The following SEMA3E variants were observed in gnomAD, a reference collection of about 807,000 sequenced individuals.
SEMA3E encodes the protein semaphorin-3E.
A neutral mutation model predicts 93.6 loss-of-function variants in SEMA3E; 49 were observed. That is an observed-to-expected ratio of 0.52 (90% CI 0.42 to 0.66). The LOEUF (loss-of-function observed/expected upper bound fraction) is 0.66. SEMA3E is among the 30% of genes least tolerant of loss of function. SEMA3E has a pLI of 0.00. For synonymous variants in SEMA3E, 363 were observed against 330.7 expected, an observed-to-expected ratio of 1.10 and a Z score of -1.06; for missense variants, 906 against 964.8, an observed-to-expected ratio of 0.94 and a Z score of 0.81.
At chr7:83,394,438 G>C in intron 12 of SEMA3E, 100 bp from the exon 13 acceptor site, 3 of 963,678 alleles carry the variant, frequency 3.1e-6, no homozygotes, top group Non-Finnish European at 4.8e-6. Flanking sequence ...TATATAAGTG[G>C]TTATGTGTTA....
At chr7:83,470,626 C>T (rs1789871086) in intron 2 of SEMA3E, among the ~76,000 whole-genome samples, 1 of 152,068 alleles carries the variant, frequency 6.6e-6, no homozygotes, top group South Asian at 2.1e-4. Flanking sequence ...CAGGAGGCAA[C>T]TATTGTATCC....
rs757926340 is a variant in SEMA3E at position 83,367,556 on chromosome 7, C to A, written c.*30G>T. 1.9e-6 allele frequency: 3 copies of A among 1,606,058 alleles called. No individual in the cohort carries two copies. Among genetic ancestry groups the A allele is most frequent in the Non-Finnish European group, 8.5e-7 (1 of 1,173,016 alleles). ...CTTTTTTACTTTCCAAATATAAATT[C>A]TTCAAAAGACAGTAGATAGTCTCAC... On this transcript the variant is annotated 3_prime_UTR_variant, in exon 17 of 17. Coordinates refer to ENST00000643230, the MANE Select transcript of SEMA3E (RefSeq NM_012431.3).
intron 1 of SEMA3E, among the ~76,000 whole-genome samples, chr7:83,584,914 C>T (rs1792591341): frequency 6.6e-6 from 1 of 152,226 alleles, no homozygotes; most frequent in Admixed American, 6.6e-5. Context: ...TATATTGTTT[C>T]CCTGTTTACA....
At chr7:83,381,270 A>G (rs945512603) in intron 16 of SEMA3E, among the ~76,000 whole-genome samples, 2 of 151,930 alleles carry the variant, frequency 1.3e-5, no homozygotes, top group African/African-American at 2.4e-5. Context: ...TTCATGGTCT[A>G]TTAGTCTCCC....
chr7:83,381,057 C>CT (rs981204218), intron 16 of SEMA3E, among the ~76,000 whole-genome samples: 11 of 152,112 alleles, frequency 7.2e-5, no homozygotes, highest in African/African-American at 2.6e-4. Context: ...ACCTCAATGA[C>CT]TACCTACTTC....
chr7:83,530,125 G>T (rs2115721689), intron 1 of SEMA3E, among the ~76,000 whole-genome samples: 1 of 152,180 alleles, frequency 6.6e-6, no homozygotes, highest in East Asian at 1.9e-4. Context: ...CATTCAGTGG[G>T]CACAGATCTA....
intron 1 of SEMA3E, among the ~76,000 whole-genome samples, chr7:83,627,362 A>G (rs1793689913): frequency 6.6e-6 from 1 of 152,126 alleles, no homozygotes; most frequent in Non-Finnish European, 1.5e-5. Context: ...GTCTCTAAGA[A>G]CTTGCTTTAA....
At chr7:83,374,093 C>A (rs899729322) in intron 16 of SEMA3E, among the ~76,000 whole-genome samples, 8 of 151,424 alleles carry the variant, frequency 5.3e-5, no homozygotes, top group African/African-American at 1.9e-4. Flanking sequence ...GTAAACCCAG[C>A]TACTCGGGAG....
chr7:83,468,550 AG>A (rs1340197126), intron 3 of SEMA3E, among the ~76,000 whole-genome samples: 1 of 147,960 alleles, frequency 6.8e-6, no homozygotes, highest in African/African-American at 2.6e-5. Context: ...TCATTTATAT[AG>A]TTTTTTTTTT....
chr7:83,427,055 T>C (rs1469698199), intron 4 of SEMA3E, among the ~76,000 whole-genome samples: 1 of 152,062 alleles, frequency 6.6e-6, no homozygotes, highest in East Asian at 1.9e-4. Flanking sequence ...AATATAAAAA[T>C]GTTTATTTTA....
intron 1 of SEMA3E, among the ~76,000 whole-genome samples, chr7:83,631,769 C>T (rs42002): frequency 0.65 from 99,485 of 152,094 alleles, 33,824 homozygotes; most frequent in African/African-American, 0.85. Context: ...CAACAGAGTC[C>T]ATGAGAAAAT....
At chr7:83,427,199 T>TTC (rs1729732779) in intron 4 of SEMA3E, among the ~76,000 whole-genome samples, 2 of 151,718 alleles carry the variant, frequency 1.3e-5, no homozygotes, top group African/African-American at 4.8e-5. Flanking sequence ...TTCCTTTCCT[T>TTC]CTTTTTTTCT....
At chr7:83,495,268 A>G (rs1790468377) in intron 1 of SEMA3E, among the ~76,000 whole-genome samples, 2 of 151,890 alleles carry the variant, frequency 1.3e-5, no homozygotes, top group Admixed American at 1.3e-4. Flanking sequence ...TTGAGTCTTC[A>G]TTAATTGATC....
intron 1 of SEMA3E, among the ~76,000 whole-genome samples, chr7:83,545,890 T>C (rs920848814): frequency 1.6e-5 from 2 of 123,334 alleles, no homozygotes; most frequent in Admixed American, 1.6e-4. Context: ...ATATCATATA[T>C]GATAAAAATA....
rs1217162957 is a variant in SEMA3E at position 83,466,616 on chromosome 7, A to G, written c.337-15T>C. On this transcript the variant is annotated splice_polypyrimidine_tract_variant and intron_variant, in intron 3 of 16. Transcript: ENST00000643230. ...GCACATTCACCCTAAAGCAGGAAAA[A>G]AAGGGAAGGAATCTATCAGTATAAT... The G allele has an allele frequency of 6.2e-7, 1 of 1,611,842 alleles. No homozygotes were observed. Among genetic ancestry groups the G allele is most frequent in the Non-Finnish European group, 8.5e-7 (1 of 1,179,926 alleles).
intron 14 of SEMA3E, among the ~76,000 whole-genome samples, chr7:83,391,000 G>A (rs1788008501): frequency 6.6e-6 from 1 of 152,100 alleles, no homozygotes; most frequent in Non-Finnish European, 1.5e-5. Flanking sequence ...TTTGGTGCAA[G>A]GCTTGTAAAC....
intron 1 of SEMA3E, among the ~76,000 whole-genome samples, chr7:83,534,414 T>C (rs1263547176): frequency 2.0e-5 from 3 of 152,184 alleles, no homozygotes; most frequent in African/African-American, 7.2e-5. Flanking sequence ...CATTTATAAA[T>C]AACAGTACTT....
In SEMA3E at chr7:83,628,974, A is replaced by G. The variant is rs116254187; in HGVS notation, c.115+19454T>C. Among the ~76,000 whole-genome samples, 325 of 152,116 alleles carry G rather than the reference A, an allele frequency of 2.1e-3. 1 individual carries two copies. Among genetic ancestry groups the G allele is most frequent in the African/African-American group, 7.5e-3 (313 of 41,534 alleles). ...TGACCTTCAGATGGAGTTTTTGAGT[A>G]GTCATCCTTTCAGTTGATGTTGATG... On this transcript the variant is annotated intron_variant, in intron 1 of 16. Coordinates refer to ENST00000643230, the MANE Select transcript of SEMA3E (RefSeq NM_012431.3).
intron 14 of SEMA3E, among the ~76,000 whole-genome samples, chr7:83,389,263 T>A (rs1218138413): frequency 6.6e-6 from 1 of 152,142 alleles, no homozygotes; most frequent in Non-Finnish European, 1.5e-5. Flanking sequence ...TCCCTCACTT[T>A]GTTGAGTATT....
Sources: gnomAD v4.1 joint callset for allele counts (sites outside exome capture counted in the v4.1 genomes callset) on GRCh38, gnomAD v4.1.1 for gene constraint, MANE v1.5 for transcripts, NCBI Gene and HGNC (gene_info 2026-07-23, HGNC 2026-07-21) for gene names.